Variants in DLC1 observed in about 807,000 individuals in gnomAD.
The protein encoded by DLC1 is rho GTPase-activating protein 7.
DLC1 carries 54 observed loss-of-function variants against 140.3 expected under a neutral mutation model. The ratio of observed to expected loss-of-function variants is 0.38; its 90% CI spans 0.31 to 0.48. The LOEUF is 0.48. Among genes scored for constraint, DLC1 ranks in the 20% least tolerant of loss-of-function variants. The pLI is 0.96. For missense variants in DLC1, 2,536 were observed against 1,907.0 expected (o/e 1.33, Z -6.14); for synonymous variants, 986 against 728.1 (o/e 1.35, Z -5.70).
chr8:13,287,447 CATAA>C (rs1466330297), intron 5 of DLC1, among the ~76,000 whole-genome samples: 2 of 146,392 alleles, frequency 1.4e-5, no homozygotes, highest in South Asian at 2.1e-4. Context: ...AATCAATCAC[CATAA>C]ATAGTTTGGA....
chr8:13,408,210 A>G (rs1395749122), intron 2 of DLC1, among the ~76,000 whole-genome samples: 1 of 152,192 alleles, frequency 6.6e-6, no homozygotes, highest in African/African-American at 2.4e-5. Flanking sequence ...AGTTCTAGGC[A>G]TATTATCTTT....
intron 1 of DLC1, among the ~76,000 whole-genome samples, chr8:13,598,364 G>C (rs776933946): frequency 6.6e-6 from 1 of 151,404 alleles, no homozygotes; most frequent in Non-Finnish European, 1.5e-5. Context: ...GTCTCTACCT[G>C]TCTCTGTGGG....
intron 5 of DLC1, among the ~76,000 whole-genome samples, chr8:13,268,316 C>A (rs1245207725): frequency 6.6e-6 from 1 of 152,134 alleles, no homozygotes; most frequent in Non-Finnish European, 1.5e-5. Context: ...CACTAACTTG[C>A]CTGACTCTGT....
intron 1 of DLC1, chr8:13,558,640 C>A (rs898223924): frequency 6.6e-6 from 1 of 152,036 alleles, no homozygotes. Flanking sequence ...GGAAAGGAGG[C>A]CCTAATTACA....
intron 1 of DLC1, among the ~76,000 whole-genome samples, chr8:13,574,631 T>A (rs893320347): frequency 4.6e-5 from 7 of 152,118 alleles, no homozygotes; most frequent in African/African-American, 1.7e-4. Flanking sequence ...ATAATAGAAA[T>A]ATTTATTTCA....
intron 2 of DLC1, among the ~76,000 whole-genome samples, chr8:13,423,231 G>A (rs1838398331): frequency 6.6e-6 from 1 of 152,044 alleles, no homozygotes; most frequent in Admixed American, 6.6e-5. Flanking sequence ...TATATTTTTA[G>A]AAGGAAATAA....
At chr8:13,552,121 A>ACCTG (rs1803885129) in intron 1 of DLC1, among the ~76,000 whole-genome samples, 1 of 126,452 alleles carries the variant, frequency 7.9e-6, no homozygotes, top group African/African-American at 2.9e-5. Flanking sequence ...GTATATATAT[A>ACCTG]TATATATATA....
rs115738400 is a variant in DLC1 at position 13,326,496 on chromosome 8, C to T, written c.1315-21194G>A. ...CTTGCCACTCATAACCCAAAAGCTG[C>T]CTACTACTTTCCCTACCCCAACTGG... On this transcript the variant is annotated intron_variant, in intron 4 of 17. Coordinates refer to ENST00000276297, the MANE Select transcript of DLC1 (RefSeq NM_182643.3). Among the ~76,000 whole-genome samples, 1,504 of 152,298 alleles carry T rather than the reference C, an allele frequency of 9.9e-3. 22 individuals carry two copies. The highest frequency in any genetic ancestry group is 0.034 in the African/African-American group (1,412 of 41,552).
At chr8:13,251,612 T>C (rs927776058) in intron 5 of DLC1, among the ~76,000 whole-genome samples, 3 of 152,166 alleles carry the variant, frequency 2.0e-5, no homozygotes, top group East Asian at 1.9e-4. Context: ...TTCAAAAATA[T>C]TCATTGAGTA....
intron 1 of DLC1, among the ~76,000 whole-genome samples, chr8:13,534,017 G>C (rs989145221): frequency 6.6e-6 from 1 of 152,086 alleles, no homozygotes; most frequent in South Asian, 2.1e-4. Context: ...CTTTATAGCA[G>C]TATGAAAATG....
At chr8:13,277,439 C>G (rs891316537) in intron 5 of DLC1, among the ~76,000 whole-genome samples, 1 of 152,166 alleles carries the variant, frequency 6.6e-6, no homozygotes, top group Non-Finnish European at 1.5e-5. Context: ...GGTTTTGCCC[C>G]TTAAAAAGTT....
Position 13,500,062 on chromosome 8 carries a change from C to G in DLC1, c.10G>C (p.Ala4Pro). ...TCTTCCCAGCTTCTCTTTCTGATAG[C>G]TACAGACATGTCATCGTAGTTTAAC... Reference protein sequence around the residue: MSVAIRKRSWEEHV... With the variant: MSVPIRKRSWEEHV... The change falls in exon 2 of 18, where the codon GCT becomes CCT. Residue 4 changes from alanine to proline, a missense_variant. Physicochemically the swap from Ala to Pro is conservative, Grantham distance 27 (BLOSUM62 -1). Coordinates refer to ENST00000276297, the MANE Select transcript of DLC1 (RefSeq NM_182643.3). The G allele has an allele frequency of 6.2e-7, 1 of 1,613,084 alleles. No homozygotes were observed. Among genetic ancestry groups the G allele is most frequent in the Non-Finnish European group, 8.5e-7 (1 of 1,179,316 alleles).
At chr8:13,256,822 T>C (rs1253824597) in intron 5 of DLC1, among the ~76,000 whole-genome samples, 3 of 147,114 alleles carry the variant, frequency 2.0e-5, no homozygotes, top group Admixed American at 1.4e-4. Context: ...CAAACCACCA[T>C]GGCACGTGTA....
intron 4 of DLC1, among the ~76,000 whole-genome samples, 175 bp downstream of exon 4, chr8:13,393,378 T>C (rs1040623353): frequency 3.9e-5 from 6 of 152,224 alleles, no homozygotes; most frequent in Non-Finnish European, 8.8e-5. Flanking sequence ...TGTTATCATT[T>C]ATAAAACAAA....
intron 1 of DLC1, chr8:13,558,097 G>A (rs1484885693): frequency 6.6e-6 from 1 of 152,232 alleles, no homozygotes; most frequent in Admixed American, 6.5e-5. Context: ...TGTTTCAGTA[G>A]CTATGAGAGA....
intron 4 of DLC1, among the ~76,000 whole-genome samples, chr8:13,356,781 G>T (rs182533905): frequency 6.1e-4 from 93 of 152,194 alleles, no homozygotes; most frequent in Non-Finnish European, 1.2e-3. Flanking sequence ...AGGAATTGGG[G>T]TCTCCGTACT....
chr8:13,601,271 C>A (rs1805873451), intron 1 of DLC1, among the ~76,000 whole-genome samples: 2 of 151,824 alleles, frequency 1.3e-5, no homozygotes, highest in African/African-American at 4.8e-5. Flanking sequence ...AGATTTCTGA[C>A]TAGCTCTTGA....
chr8:13,297,122 C>G (rs1200199531), intron 5 of DLC1, among the ~76,000 whole-genome samples: 3 of 150,594 alleles, frequency 2.0e-5, no homozygotes, highest in Non-Finnish European at 4.4e-5. Flanking sequence ...TTCCTTGATA[C>G]CTGAAAGCTA....
intron 6 of DLC1, among the ~76,000 whole-genome samples, chr8:13,113,499 A>G (rs1439329912): frequency 1.3e-5 from 2 of 152,236 alleles, no homozygotes; most frequent in East Asian, 3.8e-4. Flanking sequence ...GACACAGGGA[A>G]TGGAATTGGG....
Sources: allele counts gnomAD v4.1 joint callset (sites outside exome capture counted in the v4.1 genomes callset), GRCh38; gene constraint gnomAD v4.1.1; transcripts MANE v1.5; gene names NCBI Gene and HGNC (gene_info 2026-07-23, HGNC 2026-07-21).